Variants in ADAM12 observed in about 807,000 individuals in gnomAD.
ADAM12 encodes the protein disintegrin and metalloproteinase domain-containing protein 12.
A neutral mutation model predicts 106.4 loss-of-function variants in ADAM12; 70 were observed. The observed-to-expected ratio is 0.66, with a 90% CI of 0.54 to 0.80. The LOEUF (loss-of-function observed/expected upper bound fraction) is 0.80, where lower values mean the gene tolerates loss of function less well. ADAM12 is among the 30% of genes least tolerant of loss of function. ADAM12 has a pLI of 0.00. For synonymous variants in ADAM12, 420 were observed against 433.5 expected (o/e 0.97, Z 0.39); for missense variants, 1,010 against 1,171.9 (o/e 0.86, Z 2.02).
At chr10:126,250,489 T>G (rs1213315558) in intron 3 of ADAM12, among the ~76,000 whole-genome samples, 1 of 152,234 alleles carries the variant, frequency 6.6e-6, no homozygotes, top group Non-Finnish European at 1.5e-5. Flanking sequence ...TATCGTATCT[T>G]AAGTTTCTCT....
chr10:126,223,975 T>C (rs1324049737), intron 3 of ADAM12, among the ~76,000 whole-genome samples: 3 of 152,262 alleles, frequency 2.0e-5, no homozygotes, highest in East Asian at 1.9e-4. Context: ...CTGACCAGGA[T>C]AGTACGGCCC....
rs907187044 is a variant in ADAM12, at chr10:126,064,704, C to A, written c.1609+102G>T. 3 of 1,284,388 alleles carry A rather than the reference C, an allele frequency of 2.3e-6. No homozygotes were observed. Among genetic ancestry groups the A allele is most frequent in the Non-Finnish European group, 3.2e-6 (3 of 937,968 alleles). 79.6% of individuals were successfully genotyped at this position (1,284,388 alleles called of 1,614,324 possible). A position where few individuals can be genotyped will look rare whatever the true frequency, so the allele number is the denominator to read the frequency against. ...CACCGGATGCTGTGTGGACAGCGCC[C>A]GCCAGGAGTGGGGGCTAACCAAAAC... On this transcript the variant is annotated intron_variant, in intron 14 of 22. Coordinates refer to ENST00000448723, the MANE Select transcript of ADAM12 (RefSeq NM_001288973.2). The surrounding 1 kb of genome is among the most constrained non-coding windows in gnomAD (Gnocchi z 4.4).
At chr10:126,270,554 G>A (rs967042278) in intron 3 of ADAM12, among the ~76,000 whole-genome samples, 7 of 152,320 alleles carry the variant, frequency 4.6e-5, no homozygotes, top group Non-Finnish European at 7.3e-5. Context: ...ATAGCCACAT[G>A]TGGCTAGTGG....
intron 1 of ADAM12, among the ~76,000 whole-genome samples, chr10:126,345,036 C>G (rs1360686410): frequency 6.6e-6 from 1 of 152,092 alleles, no homozygotes. Context: ...GCCTGATTGC[C>G]CTGGCCAGAA....
intron 3 of ADAM12, among the ~76,000 whole-genome samples, chr10:126,184,420 T>C (rs539835907): frequency 6.6e-6 from 1 of 152,338 alleles, no homozygotes; most frequent in Non-Finnish European, 1.5e-5. Flanking sequence ...ATTTTTAATA[T>C]GGCGCAAAGC....
chr10:126,137,741 C>A (rs746112772), intron 4 of ADAM12, among the ~76,000 whole-genome samples: 32 of 152,214 alleles, frequency 2.1e-4, no homozygotes, highest in Non-Finnish European at 4.1e-4. Flanking sequence ...ACAGCTGAAT[C>A]ACCTTCTGCC....
rs577732426 is a variant in ADAM12 at position 126,365,036 on chromosome 10, T to C, written c.88+23022A>G. Among the ~76,000 whole-genome samples, 27 of 152,306 alleles carry C rather than the reference T, an allele frequency of 1.8e-4. No homozygotes were observed. In the East Asian group the frequency reaches 4.8e-3, roughly 27 times the overall value. On this transcript the variant is annotated intron_variant, in intron 1 of 22. Transcript: ENST00000448723. ...GGATGTGTCTACAGCACACTCATTC[T>C]GGTCTGCCCTTTGCCATATGTTAAG...
At chr10:126,341,070 G>T (rs922722825) in intron 1 of ADAM12, among the ~76,000 whole-genome samples, 22 of 151,868 alleles carry the variant, frequency 1.4e-4, no homozygotes, top group Non-Finnish European at 2.1e-4. Flanking sequence ...TCAAACCTTC[G>T]CATGCCCCCA....
chr10:126,080,677 C>G (rs1955194893), intron 11 of ADAM12, among the ~76,000 whole-genome samples: 1 of 151,708 alleles, frequency 6.6e-6, no homozygotes, highest in South Asian at 2.1e-4. Context: ...ACACTTGAGG[C>G]AAGTTTACCA....
At chr10:126,198,768 A>G (rs1162911130) in intron 3 of ADAM12, among the ~76,000 whole-genome samples, 1 of 152,176 alleles carries the variant, frequency 6.6e-6, no homozygotes, top group Non-Finnish European at 1.5e-5. Context: ...TGCTCTTTCC[A>G]TTTTATTTTT....
chr10:126,262,283 T>C (rs1449123541), intron 3 of ADAM12, among the ~76,000 whole-genome samples: 2 of 152,176 alleles, frequency 1.3e-5, no homozygotes, highest in African/African-American at 2.4e-5. Context: ...AGTATTTGTG[T>C]TGGTTTTCAC....
intron 3 of ADAM12, among the ~76,000 whole-genome samples, chr10:126,170,992 T>C (rs866042158): frequency 2.0e-5 from 3 of 152,168 alleles, no homozygotes; most frequent in Non-Finnish European, 4.4e-5. Context: ...CATTGATGGA[T>C]TTCTCTCCAG....
At chr10:126,379,910 C>A (rs1188125713) in intron 1 of ADAM12, among the ~76,000 whole-genome samples, 1 of 152,102 alleles carries the variant, frequency 6.6e-6, no homozygotes, top group Non-Finnish European at 1.5e-5. Context: ...GCTCACCATG[C>A]CTGCTAGGGG....
At chr10:126,190,227 A>G (rs1957474579) in intron 3 of ADAM12, among the ~76,000 whole-genome samples, 1 of 145,948 alleles carries the variant, frequency 6.9e-6, no homozygotes, top group Admixed American at 6.9e-5. Context: ...TTTTAGACGG[A>G]GTCTCACTCT....
At chr10:126,302,847 C>T (rs1267693616) in intron 2 of ADAM12, among the ~76,000 whole-genome samples, 1 of 152,158 alleles carries the variant, frequency 6.6e-6, no homozygotes, top group African/African-American at 2.4e-5. Context: ...ATTTTTGAGG[C>T]ATAATGCAGT....
At chr10:126,276,077 G>A (rs1373659336) in intron 3 of ADAM12, among the ~76,000 whole-genome samples, 1 of 152,082 alleles carries the variant, frequency 6.6e-6, no homozygotes, top group African/African-American at 2.4e-5. Flanking sequence ...ATTTTAAATT[G>A]TTGTATGGTA....
chr10:126,135,748 T>C, intron 4 of ADAM12, 88 bp from the exon 5 acceptor site: 2 of 1,173,106 alleles, frequency 1.7e-6, no homozygotes, highest in South Asian at 1.3e-5. Flanking sequence ...TTTTTAACTA[T>C]AGAATTTTCC....
intron 1 of ADAM12, among the ~76,000 whole-genome samples, chr10:126,336,026 G>C (rs2133860333): frequency 6.6e-6 from 1 of 152,284 alleles, no homozygotes; most frequent in South Asian, 2.1e-4. Flanking sequence ...AAGGAGACAG[G>C]ACAACTAAAT....
chr10:126,063,915 C>T (rs1248635460), intron 14 of ADAM12, among the ~76,000 whole-genome samples: 2 of 152,188 alleles, frequency 1.3e-5, no homozygotes, highest in Non-Finnish European at 2.9e-5. Flanking sequence ...GCTTCTGCTT[C>T]ATTTTGGAGC....
Sources: allele counts gnomAD v4.1 joint callset (sites outside exome capture counted in the v4.1 genomes callset), GRCh38; gene constraint gnomAD v4.1.1; non-coding constraint Gnocchi (gnomAD v3.1); transcripts MANE v1.5; gene names NCBI Gene and HGNC (gene_info 2026-07-23, HGNC 2026-07-21).